Variants in APC observed in about 807,000 individuals in gnomAD.
The protein encoded by APC is APC regulator of Wnt signaling pathway, also known as adenomatous polyposis coli protein.
A neutral mutation model predicts 247.0 loss-of-function variants in APC; 72 were observed. The ratio of observed to expected loss-of-function variants is 0.29; its 90% CI spans 0.24 to 0.35. The LOEUF is 0.35. Ranked by LOEUF, APC falls within the 10% of genes least tolerant of loss-of-function variation. APC has a pLI of 1.00. For missense variants in APC, 3,400 were observed against 3,360.7 expected, an observed-to-expected ratio of 1.01 and a Z score of -0.29; for synonymous variants, 1,254 against 1,162.5, an observed-to-expected ratio of 1.08 and a Z score of -1.60.
Position 112,843,623 on chromosome 5 carries a change from G to A in APC, c.8029G>A (p.Gly2677Ser), listed in dbSNP as rs750174880. ...TCCTAGATCTGGAAGATCTCCCACA[G>A]GTAATACTCCCCCGGTGATTGACAG... ...NNPRSGRSPTGNTPPVIDSVS... is the reference protein window; with the variant it reads ...NNPRSGRSPTSNTPPVIDSVS... The change falls in exon 16 of 16, where the codon GGT becomes AGT. Residue 2677 changes from glycine (G) to serine (S), a missense_variant. Gly to Ser is a moderately conservative substitution (Grantham distance 56). Transcript: ENST00000257430. This position sits in a 1 kb window ranked among gnomAD's most constrained non-coding sequence, Gnocchi z 4.8. 1 of 1,613,884 alleles carries A rather than the reference G, an allele frequency of 6.2e-7. No individual in the cohort carries two copies. The highest frequency in any genetic ancestry group is 8.5e-7 in the Non-Finnish European group (1 of 1,179,850).
chr5:112,754,176 G>A (rs1392708375), intron 1 of APC, among the ~76,000 whole-genome samples: 3 of 152,182 alleles, frequency 2.0e-5, no homozygotes, highest in East Asian at 3.8e-4. Flanking sequence ...CAGATCCCAA[G>A]ACCACATATG....
chr5:112,773,033 G>C (rs1184674396), intron 4 of APC, among the ~76,000 whole-genome samples: 1 of 152,134 alleles, frequency 6.6e-6, no homozygotes, highest in African/African-American at 2.4e-5. Context: ...TCCTGTTCCT[G>C]TTGTCAGAAA....
At chr5:112,781,378 CAAG>C (rs1211518803) in intron 6 of APC, among the ~76,000 whole-genome samples, 1 of 152,266 alleles carries the variant, frequency 6.6e-6, no homozygotes, top group East Asian at 1.9e-4. Context: ...CCCTCAATGT[CAAG>C]AAAGAGTATT....
chr5:112,840,192 A>G lies in APC; in HGVS notation c.4598A>G (p.Asn1533Ser), dbSNP rs1765719392. 2 of 1,614,056 alleles carry G rather than the reference A, an allele frequency of 1.2e-6. No homozygotes were observed. Among genetic ancestry groups the G allele is most frequent in the South Asian group, 1.1e-5 (1 of 91,088 alleles). The change falls in exon 16 of 16, where the codon AAT (asparagine) becomes AGT (serine). Residue 1533 changes from asparagine (N) to serine (S), a missense_variant. Transcript: ENST00000257430. This position sits in a 1 kb window ranked among gnomAD's most constrained non-coding sequence, Gnocchi z 4.1. ...RIMPPVQEND[N>S]GNETESEQPK... ...ATGCCTCCAGTTCAGGAAAATGACA[A>G]TGGGAATGAAACAGAATCAGAGCAG...
At chr5:112,820,500 A>G (rs981497068) in intron 10 of APC, among the ~76,000 whole-genome samples, 11 of 152,120 alleles carry the variant, frequency 7.2e-5, no homozygotes, top group African/African-American at 2.7e-4. Context: ...AAAAATTTAA[A>G]AAGCATAAGA....
chr5:112,843,678 A>G lies in APC; in HGVS notation c.8084A>G (p.Lys2695Arg). 6.2e-7 allele frequency: 1 copy of G among 1,614,064 alleles called. No homozygotes were observed. Among genetic ancestry groups the G allele is most frequent in the Non-Finnish European group, 8.5e-7 (1 of 1,179,916 alleles). ...SVSEKANPNI[K>R]DSKDNQAKQN... Reference sequence around the variant, plus strand: ...TCAGAAAAGGCAAATCCAAACATTAAAGATTCAAAAGATAATCAGGCAAAA... The same window carrying G: ...TCAGAAAAGGCAAATCCAAACATTAGAGATTCAAAAGATAATCAGGCAAAA... The change falls in exon 16 of 16, where the codon AAA (lysine) becomes AGA (arginine). Residue 2695 changes from lysine (K) to arginine (R), a missense_variant. Transcript: ENST00000257430. This position sits in a 1 kb window ranked among gnomAD's most constrained non-coding sequence, Gnocchi z 4.8.
rs201904856 is a variant in APC, at chr5:112,838,845, A to G, written c.3251A>G (p.Asp1084Gly). The G allele has an allele frequency of 1.2e-6, 2 of 1,614,202 alleles. No individual in the cohort carries two copies. Among genetic ancestry groups the G allele is most frequent in the Non-Finnish European group, 8.5e-7 (1 of 1,180,040 alleles). The stretch of plus-strand genomic sequence containing the variant: ...CCTGTTTATACTGAGAGCACTGATG[A>G]TAAACACCTCAAGTTCCAACCACAT... ...TYPVYTESTD[D>G]KHLKFQPHFG... The change falls in exon 16 of 16, where the codon GAT becomes GGT. Residue 1084 changes from aspartate (D) to glycine (G), a missense_variant. By Grantham distance (94) the Asp-to-Gly change is moderately conservative. This residue lies in a region of APC where 715 missense variants were observed against 656.6 expected (regional missense o/e 1.09). Transcript: ENST00000257430.
In APC at chr5:112,840,072, C is replaced by T. The variant is rs374892194; in HGVS notation, c.4478C>T (p.Thr1493Met). 50 of 1,613,948 alleles carry T rather than the reference C, an allele frequency of 3.1e-5. No homozygotes were observed. Among genetic ancestry groups the T allele is most frequent in the African/African-American group, 9.3e-5 (7 of 74,882 alleles). ...PDADTLLHFA[T>M]ESTPDGFSCS... Reference sequence around the variant, plus strand: ...GCTGATACTTTATTACATTTTGCCACGGAAAGTACTCCAGATGGATTTTCT... The same window carrying T: ...GCTGATACTTTATTACATTTTGCCATGGAAAGTACTCCAGATGGATTTTCT... The change falls in exon 16 of 16, where the codon ACG becomes ATG. Residue 1493 changes from threonine (T) to methionine (M), a missense_variant. Around this residue, in one of 9 missense-constraint regions of APC, gnomAD observed 1,788 missense variants for 1,649.5 expected, o/e 1.08. Coordinates refer to ENST00000257430, the MANE Select transcript of APC (RefSeq NM_000038.6). This position sits in a 1 kb window ranked among gnomAD's most constrained non-coding sequence, Gnocchi z 4.1.
intron 4 of APC, among the ~76,000 whole-genome samples, chr5:112,768,296 C>T (rs774703068): frequency 1.3e-5 from 2 of 150,878 alleles, no homozygotes; most frequent in African/African-American, 2.4e-5. Context: ...CCCCCTGCCT[C>T]GGCCTTCTAA....
intron 1 of APC, among the ~76,000 whole-genome samples, chr5:112,717,915 T>TTTC: frequency 8.1e-6 from 1 of 123,958 alleles, no homozygotes; most frequent in South Asian, 3.1e-4. Context: ...TTTCTTTTTT[T>TTTC]TTTTTTTTTT....
intron 1 of APC, among the ~76,000 whole-genome samples, chr5:112,746,133 A>G (rs768353925): frequency 1.7e-4 from 26 of 151,224 alleles, no homozygotes; most frequent in Non-Finnish European, 3.1e-4. Flanking sequence ...TTGAAAAACT[A>G]GAGGAAAGAA....
chr5:112,742,056 C>CT (rs1345871629), intron 1 of APC, among the ~76,000 whole-genome samples: 2 of 152,128 alleles, frequency 1.3e-5, no homozygotes, highest in African/African-American at 4.8e-5. Flanking sequence ...CACCTTTTGT[C>CT]TATCATGAAT....
At chr5:112,822,425 T>C (rs1014108741) in intron 11 of APC, among the ~76,000 whole-genome samples, 5 of 152,212 alleles carry the variant, frequency 3.3e-5, no homozygotes. Context: ...TCATTTATCT[T>C]CATGGTTATT....
intron 15 of APC, among the ~76,000 whole-genome samples, chr5:112,835,923 T>C (rs556367955): frequency 6.6e-6 from 1 of 151,142 alleles, no homozygotes; most frequent in African/African-American, 2.4e-5. Flanking sequence ...TCTGCTAGAG[T>C]TGTAAAACCC....
chr5:112,783,251 C>T (rs189191844), intron 6 of APC, among the ~76,000 whole-genome samples: 128 of 152,176 alleles, frequency 8.4e-4, no homozygotes, highest in African/African-American at 2.8e-3. Context: ...TTCACATAAG[C>T]GCTGATACTG....
intron 1 of APC, among the ~76,000 whole-genome samples, chr5:112,751,221 C>CA (rs1289228886): frequency 6.6e-6 from 1 of 151,756 alleles, no homozygotes; most frequent in African/African-American, 2.4e-5. Flanking sequence ...ATTATCAAAA[C>CA]AAAAAAACTA....
At chr5:112,817,161 C>A (rs1158320777) in intron 9 of APC, among the ~76,000 whole-genome samples, 2 of 152,178 alleles carry the variant, frequency 1.3e-5, no homozygotes, top group Non-Finnish European at 2.9e-5. Flanking sequence ...TGAGTGACCA[C>A]ACCCGGCCCA....
intron 8 of APC, among the ~76,000 whole-genome samples, chr5:112,805,812 A>T (rs944456521): frequency 6.6e-6 from 1 of 152,218 alleles, no homozygotes; most frequent in Non-Finnish European, 1.5e-5. Flanking sequence ...GTCCTAGAGT[A>T]ATTCTCTTCA....
At chr5:112,724,571 A>T (rs1032072006) in intron 1 of APC, among the ~76,000 whole-genome samples, 2 of 131,450 alleles carry the variant, frequency 1.5e-5, no homozygotes, top group Non-Finnish European at 3.1e-5. Flanking sequence ...GGTAAATGAG[A>T]TAGTTGGTAA....
Sources: gnomAD v4.1 joint callset for allele counts (sites outside exome capture counted in the v4.1 genomes callset) on GRCh38, gnomAD v4.1.1 for gene constraint, gnomAD v4.1.1 regional missense constraint, Gnocchi (gnomAD v3.1) non-coding constraint, MANE v1.5 for transcripts, NCBI Gene and HGNC (gene_info 2026-07-23, HGNC 2026-07-21) for gene names.